LCA5: variants seen among roughly 807,000 people sequenced by gnomAD.
LCA5 encodes lebercilin.
LCA5 carries 37 observed loss-of-function variants against 53.0 expected under a neutral mutation model. The ratio of observed to expected loss-of-function variants is 0.70; its 90% CI spans 0.54 to 0.92. The LOEUF is 0.92. Ranked by LOEUF, LCA5 falls within the 40% of genes least tolerant of loss-of-function variation. The probability of loss-of-function intolerance (pLI) is 0.00; values close to 1 mark genes in which losing one functional copy is unlikely to be tolerated. For missense variants in LCA5, 806 were observed against 790.5 expected (o/e 1.02, Z -0.23); for synonymous variants, 303 against 282.9 (o/e 1.07, Z -0.71).
In LCA5 at chr6:79,518,746, T is replaced by C. The variant is rs774805860; in HGVS notation, c.149A>G (p.Asn50Ser). The part of the protein sequence containing the change: ...SSSPASVRRK[N>S]PKRQTSDGQV... ...GCCATCTGAAGTTTGTCTTTTAGGA[T>C]TTTTTCTCCTAACACTTGCAGGTGA... The change falls in exon 2 of 8, where the codon AAT becomes AGT. Residue 50 changes from asparagine to serine, a missense_variant. Transcript: ENST00000369846. The C allele has an allele frequency of 2.5e-6, 4 of 1,613,990 alleles. No homozygotes were observed. Among genetic ancestry groups the C allele is most frequent in the East Asian group, 4.5e-5 (2 of 44,890 alleles).
chr6:79,525,702 T>C (rs1165164313), intron 1 of LCA5, among the ~76,000 whole-genome samples: 4 of 152,210 alleles, frequency 2.6e-5, no homozygotes, highest in African/African-American at 9.6e-5. Context: ...AGAGATCAAA[T>C]GAAAAAATAG....
At chr6:79,523,404 G>A (rs528902773) in intron 1 of LCA5, among the ~76,000 whole-genome samples, 1 of 152,238 alleles carries the variant, frequency 6.6e-6, no homozygotes, top group East Asian at 1.9e-4. Flanking sequence ...AATCTGGAGC[G>A]TTTACCTCTC....
At chr6:79,524,630 A>T (rs1738920277) in intron 1 of LCA5, among the ~76,000 whole-genome samples, 1 of 152,218 alleles carries the variant, frequency 6.6e-6, no homozygotes, top group Admixed American at 6.5e-5. Context: ...AAGTCAATTA[A>T]TGAACAGAAA....
Position 79,513,601 on chromosome 6 carries a change from T to C in LCA5, c.331A>G (p.Lys111Glu), listed in dbSNP as rs1766320760. 1 of 1,613,854 alleles carries C rather than the reference T, an allele frequency of 6.2e-7. No homozygotes were observed. The highest frequency in any genetic ancestry group is 1.3e-5 in the African/African-American group (1 of 74,916). ...ACTTCATTCTGCAACTCATTGATTT[T>C]TAGCAGTCTTGCAGACAGAATCCGT... ...TKRILSARLL[K>E]INELQNEVSE... The change falls in exon 3 of 8, where the codon AAA (lysine) becomes GAA (glutamate). Residue 111 changes from lysine to glutamate, a missense_variant. Lys to Glu is a moderately conservative substitution (Grantham distance 56). Transcript: ENST00000369846.
intron 3 of LCA5, 58 bp downstream of exon 3, chr6:79,513,154 T>C (rs757496402): frequency 6.6e-7 from 1 of 1,507,588 alleles, no homozygotes; most frequent in South Asian, 1.1e-5. Flanking sequence ...GAGAGCACAT[T>C]AAATGCCCAA....
rs546562084 is a variant in LCA5, at chr6:79,522,853, C to T, written c.-191-3768G>A. Among the ~76,000 whole-genome samples the T allele has an allele frequency of 9.2e-5, 14 of 151,762 alleles. No homozygotes were observed. In the South Asian group the frequency reaches 1.9e-3, roughly 20 times the overall value. On this transcript the variant is annotated intron_variant, in intron 1 of 7. Coordinates refer to ENST00000369846, the MANE Select transcript of LCA5 (RefSeq NM_001122769.3). ...GCGCCACCACGCCCAGCCCTGACCA[C>T]ATATTTAATATTAAGGAATTATATT...
intron 3 of LCA5, among the ~76,000 whole-genome samples, chr6:79,502,058 G>C (rs894364149): frequency 6.6e-6 from 1 of 152,098 alleles, no homozygotes; most frequent in African/African-American, 2.4e-5. Context: ...AAACCTGGTA[G>C]AGATTTTCAT....
At chr6:79,509,451 C>T (rs1482635395) in intron 3 of LCA5, among the ~76,000 whole-genome samples, 2 of 113,346 alleles carry the variant, frequency 1.8e-5, no homozygotes, top group African/African-American at 7.1e-5. Flanking sequence ...GAGACTCCGT[C>T]TCAAAAAAAA....
At chr6:79,490,962 T>A (rs925636175) in intron 6 of LCA5, among the ~76,000 whole-genome samples, 3 of 152,010 alleles carry the variant, frequency 2.0e-5, no homozygotes, top group African/African-American at 7.2e-5. Flanking sequence ...TCCACTCTAA[T>A]TTGAACAGGA....
chr6:79,493,335 T>C (rs766132511), intron 4 of LCA5, among the ~76,000 whole-genome samples: 2 of 152,202 alleles, frequency 1.3e-5, no homozygotes, highest in Non-Finnish European at 2.9e-5. Context: ...AGTGAAGCTC[T>C]AGTTCCCATA....
intron 1 of LCA5, among the ~76,000 whole-genome samples, chr6:79,522,224 T>C (rs557837242): frequency 1.3e-4 from 19 of 151,922 alleles, no homozygotes; most frequent in Non-Finnish European, 2.8e-4. Context: ...AAATAAAAAA[T>C]AAAATATTAA....
intron 3 of LCA5, among the ~76,000 whole-genome samples, chr6:79,507,402 G>A (rs1373589660): frequency 1.3e-5 from 2 of 152,116 alleles, no homozygotes; most frequent in Non-Finnish European, 2.9e-5. Flanking sequence ...AAGCTGGGGG[G>A]AGGTGTCAAT....
chr6:79,505,600 G>A (rs956541934), intron 3 of LCA5, among the ~76,000 whole-genome samples: 3 of 152,142 alleles, frequency 2.0e-5, no homozygotes, highest in Admixed American at 1.3e-4. Context: ...GCAACCTGGA[G>A]GTAAGGAGAA....
At chr6:79,496,964 T>C (rs1345887001) in intron 3 of LCA5, among the ~76,000 whole-genome samples, 1 of 152,214 alleles carries the variant, frequency 6.6e-6, no homozygotes, top group Non-Finnish European at 1.5e-5. Context: ...ACAATTATTT[T>C]AATTTGTTTT....
At chr6:79,507,559 T>C (rs9352744) in intron 3 of LCA5, among the ~76,000 whole-genome samples, 14,203 of 152,110 alleles carry the variant, frequency 0.093, 1,486 homozygotes, top group East Asian at 0.55. Flanking sequence ...TGTATATGTA[T>C]GGTAGATGCA....
Position 79,489,117 on chromosome 6 carries a change from C to A in LCA5, c.1198G>T (p.Val400Phe). 6.2e-7 allele frequency: 1 copy of A among 1,613,308 alleles called. No homozygotes were observed. The change falls in exon 7 of 8, where the codon GTC (valine) becomes TTC (phenylalanine). Residue 400 changes from valine (V) to phenylalanine (F), a missense_variant. Physicochemically the swap from Val to Phe is conservative, Grantham distance 50 (BLOSUM62 -1). Transcript: ENST00000369846. Reference sequence around the variant, plus strand: ...AGCTTTTCAACCTCCTGTTTTACGACATGGAGTTCTTCATCTGTAACAAAT... The same window carrying A: ...AGCTTTTCAACCTCCTGTTTTACGAAATGGAGTTCTTCATCTGTAACAAAT... The part of the protein sequence containing the change: ...EKFVTDEELH[V>F]VKQEVEKLED...
At chr6:79,538,029 T>G (rs1040648130), upstream of LCA5, among the ~76,000 whole-genome samples, 11 of 96,430 alleles carry the variant, frequency 1.1e-4, no homozygotes, top group African/African-American at 5.0e-4. Context: ...TTTTTTTTTT[T>G]TTTTTTTTTT....
At chr6:79,536,870 A>T (rs928582439) in intron 1 of LCA5, among the ~76,000 whole-genome samples, 8 of 151,820 alleles carry the variant, frequency 5.3e-5, no homozygotes, top group African/African-American at 1.7e-4. Context: ...CCAGGAAGTA[A>T]ATACCCTTTC....
chr6:79,491,802 G>GTATATA, intron 5 of LCA5, 72 bp from the exon 6 acceptor site: 1 of 1,159,442 alleles, frequency 8.6e-7, no homozygotes, highest in Non-Finnish European at 1.3e-6. Context: ...CAGCTGGCAT[G>GTATATA]TATATATATA....
Sources: gnomAD v4.1 joint callset for allele counts (sites outside exome capture counted in the v4.1 genomes callset) on GRCh38, gnomAD v4.1.1 for gene constraint, MANE v1.5 for transcripts, NCBI Gene and HGNC (gene_info 2026-07-23, HGNC 2026-07-21) for gene names.